ADAM9: variants seen among roughly 807,000 people sequenced by gnomAD.
ADAM9 encodes the protein disintegrin and metalloproteinase domain-containing protein 9.
ADAM9 carries 54 observed loss-of-function variants against 108.1 expected under a neutral mutation model. The observed-to-expected ratio is 0.50, with a 90% confidence interval of 0.40 to 0.63. The LOEUF (loss-of-function observed/expected upper bound fraction) is 0.63. Ranked by LOEUF, ADAM9 falls within the 20% of genes least tolerant of loss-of-function variation. ADAM9 has a pLI of 0.00. For synonymous variants in ADAM9, 316 were observed against 336.0 expected (o/e 0.94, Z 0.65); for missense variants, 830 against 997.7 (o/e 0.83, Z 2.26).
chr8:39,017,563 G>T (rs1836580079), intron 6 of ADAM9, 149 bp downstream of exon 6: 1 of 773,934 alleles, frequency 1.3e-6, no homozygotes, highest in Non-Finnish European at 2.2e-6. Context: ...GGTACTAGGG[G>T]ATGAAAAGAT....
At chr8:39,071,454 A>G (rs1038394806) in intron 15 of ADAM9, 51 bp downstream of exon 15, 2 of 1,169,758 alleles carry the variant, frequency 1.7e-6, no homozygotes, top group South Asian at 1.4e-5. Flanking sequence ...AAGATCCGTC[A>G]TCTCTAGTAT....
At chr8:39,054,378 C>T (rs1427939511) in intron 12 of ADAM9, 103 bp from the exon 13 acceptor site, 1 of 1,019,862 alleles carries the variant, frequency 9.8e-7, no homozygotes, top group Non-Finnish European at 1.5e-6. Flanking sequence ...CTGCTACAAT[C>T]ATGTTAGAAT....
At chr8:39,026,868 A>T (rs1836940926) in intron 11 of ADAM9, 58 bp downstream of exon 11, 1 of 1,599,886 alleles carries the variant, frequency 6.3e-7, no homozygotes. Flanking sequence ...TGTTTCTTAC[A>T]CTGTGAGGGA....
At chr8:39,092,986 A>G (rs1839399731) in intron 20 of ADAM9, among the ~76,000 whole-genome samples, 1 of 152,192 alleles carries the variant, frequency 6.6e-6, no homozygotes, top group Non-Finnish European at 1.5e-5. Context: ...TGCCAGTAGT[A>G]TGCCATTTTA....
chr8:39,100,463 A>G (rs1015796160), intron 20 of ADAM9, among the ~76,000 whole-genome samples: 1 of 151,396 alleles, frequency 6.6e-6, no homozygotes, highest in Non-Finnish European at 1.5e-5. Context: ...ACTGCACTCC[A>G]GCCAGGGCGA....
chr8:39,044,877 T>G (rs1406571057), intron 12 of ADAM9, among the ~76,000 whole-genome samples: 20 of 143,256 alleles, frequency 1.4e-4, no homozygotes, highest in Non-Finnish European at 1.5e-5. Context: ...TATACATACA[T>G]ATATATGTAT....
rs1836520723 is a variant in ADAM9, at chr8:39,016,210, T to A, written c.410+16T>A. 6.8e-6 allele frequency: 11 copies of A among 1,606,332 alleles called. No homozygotes were observed. The highest frequency in any genetic ancestry group is 1.7e-4 in the Middle Eastern group (1 of 6,042). ...TTGGACTCAGGTAAGCAATTTCCTT[T>A]ATCTTCTTTTTTTTTGTTTCCCCTA... On this transcript the variant is annotated intron_variant, in intron 5 of 21. Coordinates refer to ENST00000487273, the MANE Select transcript of ADAM9 (RefSeq NM_003816.3).
chr8:39,026,013 C>T lies in ADAM9; in HGVS notation c.996+129C>T, dbSNP rs754463772. The T allele has an allele frequency of 2.5e-5, 22 of 885,172 alleles. 1 individual carries two copies. Among genetic ancestry groups the T allele is most frequent in the Non-Finnish European group, 3.3e-5 (18 of 541,052 alleles). The allele number at this position is 885,172 out of a possible 1,614,324, so 54.8% of individuals were successfully genotyped here. On this transcript the variant is annotated intron_variant, in intron 10 of 21. Transcript: ENST00000487273. ...GTGTTATGAGGAACACAGTAGAAGTCGCAGATGGGTTCTTTCCCCAGAGAC... is the reference window on the plus strand; with the variant it reads ...GTGTTATGAGGAACACAGTAGAAGTTGCAGATGGGTTCTTTCCCCAGAGAC...
intron 1 of ADAM9, among the ~76,000 whole-genome samples, chr8:39,004,997 A>G (rs779436878): frequency 3.3e-5 from 5 of 152,142 alleles, no homozygotes; most frequent in Non-Finnish European, 7.4e-5. Context: ...AAGAATGCCT[A>G]ACCTTCTGGG....
intron 14 of ADAM9, 122 bp downstream of exon 14, chr8:39,055,894 C>T (rs925572969): frequency 1.9e-6 from 2 of 1,057,676 alleles, no homozygotes; most frequent in African/African-American, 3.2e-5. Flanking sequence ...CATCGTATTT[C>T]CTTTCTTCTT....
chr8:39,061,481 G>A (rs1023491874), intron 14 of ADAM9, among the ~76,000 whole-genome samples: 1 of 152,162 alleles, frequency 6.6e-6, no homozygotes, highest in African/African-American at 2.4e-5. Context: ...AATTATTTCA[G>A]ATATAGGGTT....
At chr8:39,050,859 C>G (rs1351712191) in intron 12 of ADAM9, among the ~76,000 whole-genome samples, 1 of 112,678 alleles carries the variant, frequency 8.9e-6, no homozygotes, top group African/African-American at 3.4e-5. Context: ...TTTTTTTAAT[C>G]ACTATGTTAA....
intron 14 of ADAM9, 41 bp from the exon 15 acceptor site, chr8:39,071,257 C>G (rs779126095): frequency 3.9e-5 from 61 of 1,584,070 alleles, no homozygotes; most frequent in African/African-American, 5.4e-5. Flanking sequence ...GCTAAATTGC[C>G]ATAACTTTTT....
intron 1 of ADAM9, 102 bp downstream of exon 1, chr8:38,997,262 G>T (rs1440885183): frequency 2.2e-6 from 3 of 1,362,858 alleles, no homozygotes; most frequent in Non-Finnish European, 3.0e-6. Context: ...CCGGCCTGGG[G>T]ATCGGACCCG....
Position 39,016,133 on chromosome 8 carries a change from CG to C in ADAM9, c.353del (p.Gly118AlafsTer25). On this transcript the variant is annotated frameshift_variant, in exon 5 of 22. Coordinates refer to ENST00000487273, the MANE Select transcript of ADAM9 (RefSeq NM_003816.3). LOFTEE classifies it high-confidence loss of function. ...TTTCATTTAGAATCATTGTCATTAT[CG>C]GGGCTATGTGGAGGGAGTTCATAAT... ...HPNIQNHCHY[R>X]GYVEGVHNSS... is the part of the protein sequence containing the mutation. The C allele has an allele frequency of 6.2e-7, 1 of 1,613,530 alleles. No homozygotes were observed. The highest frequency in any genetic ancestry group is 8.5e-7 in the Non-Finnish European group (1 of 1,179,580).
intron 16 of ADAM9, among the ~76,000 whole-genome samples, 162 bp downstream of exon 16, chr8:39,077,573 T>A (rs1305699497): frequency 3.3e-5 from 5 of 152,218 alleles, no homozygotes; most frequent in African/African-American, 4.8e-5. Flanking sequence ...GAACTATAAT[T>A]CTGTTATCCA....
intron 14 of ADAM9, among the ~76,000 whole-genome samples, chr8:39,059,160 A>G (rs902850271): frequency 2.0e-5 from 3 of 152,186 alleles, no homozygotes; most frequent in African/African-American, 7.2e-5. Flanking sequence ...GTAGAATATT[A>G]TGATGGTGGG....
chr8:39,071,186 G>C (rs529052330), intron 14 of ADAM9, 112 bp from the exon 15 acceptor site: 1 of 885,354 alleles, frequency 1.1e-6, no homozygotes, highest in African/African-American at 1.7e-5. Flanking sequence ...CGGTGTTGAG[G>C]GGTATTGAGG....
intron 14 of ADAM9, among the ~76,000 whole-genome samples, chr8:39,056,809 T>C (rs1838138455): frequency 6.6e-6 from 1 of 152,174 alleles, no homozygotes; most frequent in African/African-American, 2.4e-5. Flanking sequence ...TTTGTTCAAA[T>C]AAGTCTGAAC....
Sources: gnomAD v4.1 joint callset for allele counts (sites outside exome capture counted in the v4.1 genomes callset) on GRCh38, gnomAD v4.1.1 for gene constraint, MANE v1.5 for transcripts, NCBI Gene and HGNC (gene_info 2026-07-23, HGNC 2026-07-21) for gene names.